CDK17: variants seen among roughly 807,000 people sequenced by gnomAD.
CDK17 encodes cyclin-dependent kinase 17.
CDK17 carries 24 observed loss-of-function variants against 77.6 expected under a neutral mutation model. That is an observed-to-expected ratio of 0.31 (90% CI 0.22 to 0.44). CDK17 has a LOEUF of 0.44. Among genes scored for constraint, CDK17 ranks in the 20% least tolerant of loss-of-function variants. The probability of loss-of-function intolerance (pLI) is 1.00; values close to 1 mark genes in which losing one functional copy is unlikely to be tolerated. For missense variants in CDK17, 429 were observed against 622.5 expected (o/e 0.69, Z 3.31); for synonymous variants, 203 against 210.4 (o/e 0.96, Z 0.30).
At chr12:96,316,554 C>T (rs1259526358) in intron 3 of CDK17, among the ~76,000 whole-genome samples, 6 of 148,634 alleles carry the variant, frequency 4.0e-5, no homozygotes, top group Admixed American at 1.4e-4. Context: ...TTAAATGTCC[C>T]TGTCTGACAG....
intron 1 of CDK17, among the ~76,000 whole-genome samples, chr12:96,375,379 T>TAC (rs1565841732): frequency 6.6e-6 from 1 of 151,982 alleles, no homozygotes; most frequent in African/African-American, 2.4e-5. Context: ...CAGCCACACA[T>TAC]ACACACACAC....
At chr12:96,310,999 A>G in intron 5 of CDK17, 53 bp downstream of exon 5, 1 of 1,532,186 alleles carries the variant, frequency 6.5e-7, no homozygotes, top group Non-Finnish European at 8.7e-7. Context: ...ACCCAGAAGC[A>G]GCAAACAAGC....
intron 1 of CDK17, among the ~76,000 whole-genome samples, chr12:96,373,810 C>T (rs191382249): frequency 6.6e-6 from 1 of 152,070 alleles, no homozygotes; most frequent in East Asian, 1.9e-4. Context: ...GTCCCAGCTA[C>T]TTAGGAGGCT....
At chr12:96,330,452 T>C (rs1952951152) in intron 2 of CDK17, among the ~76,000 whole-genome samples, 1 of 152,204 alleles carries the variant, frequency 6.6e-6, no homozygotes, top group Admixed American at 6.5e-5. Context: ...GGTACAACCA[T>C]CACCTCCCTG....
intron 16 of CDK17, 183 bp downstream of exon 16, chr12:96,280,625 T>A (rs1565800509): frequency 2.1e-6 from 3 of 1,415,862 alleles, no homozygotes; most frequent in Non-Finnish European, 2.8e-6. Context: ...TCTCTGAAGA[T>A]TTACTGAGCT....
intron 1 of CDK17, among the ~76,000 whole-genome samples, chr12:96,366,659 C>T (rs544535596): frequency 6.6e-6 from 1 of 152,272 alleles, no homozygotes; most frequent in African/African-American, 2.4e-5. Flanking sequence ...GTCAGATTTT[C>T]AACCAGTGAC....
chr12:96,383,627 CCGTCTGAT>C (rs1255035924), intron 1 of CDK17, among the ~76,000 whole-genome samples: 1 of 152,134 alleles, frequency 6.6e-6, no homozygotes, highest in African/African-American at 2.4e-5. Flanking sequence ...ACAACCACAA[CCGTCTGAT>C]CGTCTGATCA....
chr12:96,343,435 T>C (rs1953153367), intron 1 of CDK17, among the ~76,000 whole-genome samples: 1 of 152,180 alleles, frequency 6.6e-6, no homozygotes, highest in Non-Finnish European at 1.5e-5. Flanking sequence ...AATTCAAGTT[T>C]GAATATTTTG....
At chr12:96,295,263 T>A (rs948424598) in intron 9 of CDK17, 141 bp from the exon 10 acceptor site, 46 of 542,730 alleles carry the variant, frequency 8.5e-5, no homozygotes, top group Middle Eastern at 9.8e-4. Flanking sequence ...AAGTACAATG[T>A]CTTTTTCCTT....
intron 1 of CDK17, among the ~76,000 whole-genome samples, chr12:96,356,295 T>A: frequency 6.6e-6 from 1 of 152,188 alleles, no homozygotes; most frequent in East Asian, 1.9e-4. Context: ...TGACAACATA[T>A]ATAAAATTTA....
chr12:96,304,637 GT>G (rs1250527762), intron 5 of CDK17, among the ~76,000 whole-genome samples: 3 of 152,290 alleles, frequency 2.0e-5, no homozygotes, highest in Admixed American at 1.3e-4. Flanking sequence ...CGAAAGAAAT[GT>G]GTTTTATCCC....
intron 13 of CDK17, 64 bp downstream of exon 13, chr12:96,285,978 TA>T: frequency 1.3e-6 from 1 of 791,786 alleles, no homozygotes. Flanking sequence ...TTACTGTGGC[TA>T]ATCCTTCAAA....
chr12:96,392,636 A>G (rs777103089), intron 1 of CDK17, among the ~76,000 whole-genome samples: 7 of 152,240 alleles, frequency 4.6e-5, no homozygotes, highest in Non-Finnish European at 1.0e-4. Context: ...TTACGTGACT[A>G]GGCTGACAGT....
At chr12:96,312,926 A>C (rs1475206569) in intron 4 of CDK17, among the ~76,000 whole-genome samples, 2 of 151,854 alleles carry the variant, frequency 1.3e-5, no homozygotes, top group South Asian at 2.1e-4. Context: ...CAGAGAAAAT[A>C]AAATGCTAAT....
intron 5 of CDK17, among the ~76,000 whole-genome samples, chr12:96,305,214 C>T (rs1264773262): frequency 1.3e-5 from 2 of 152,186 alleles, no homozygotes; most frequent in Non-Finnish European, 2.9e-5. Flanking sequence ...TAGCACGTCA[C>T]CATCCAATAG....
chr12:96,349,874 A>G (rs1953285291), intron 1 of CDK17, among the ~76,000 whole-genome samples: 1 of 152,214 alleles, frequency 6.6e-6, no homozygotes, highest in Admixed American at 6.5e-5. Context: ...GAAAACCTTA[A>G]AGAATCCACA....
At chr12:96,330,804 A>G (rs1450355931) in intron 2 of CDK17, among the ~76,000 whole-genome samples, 2 of 152,232 alleles carry the variant, frequency 1.3e-5, no homozygotes, top group Non-Finnish European at 2.9e-5. Context: ...GTGCTGCTAC[A>G]AATATAAATA....
At chr12:96,324,168 CAT>C in intron 2 of CDK17, 56 bp from the exon 3 acceptor site, 1 of 1,395,348 alleles carries the variant, frequency 7.2e-7, no homozygotes, top group Non-Finnish European at 9.6e-7. Context: ...TCCAGGATCA[CAT>C]GAGAAGGATT....
intron 5 of CDK17, among the ~76,000 whole-genome samples, chr12:96,310,224 AAAT>A (rs551556738): frequency 1.4e-3 from 220 of 152,272 alleles, no homozygotes; most frequent in African/African-American, 5.2e-3. Flanking sequence ...CTAACAACAA[AAAT>A]AATACATACT....
Sources: gnomAD v4.1 joint callset for allele counts (sites outside exome capture counted in the v4.1 genomes callset) on GRCh38, gnomAD v4.1.1 for gene constraint, MANE v1.5 for transcripts, NCBI Gene and HGNC (gene_info 2026-07-23, HGNC 2026-07-21) for gene names.